Variants in DGKH observed in about 807,000 individuals in gnomAD.
DGKH encodes diacylglycerol kinase eta.
A neutral mutation model predicts 159.3 loss-of-function variants in DGKH; 90 were observed. The observed-to-expected ratio is 0.57, with a 90% confidence interval of 0.48 to 0.67. The LOEUF is 0.67. DGKH is among the 30% of genes least tolerant of loss of function. The pLI, the probability that DGKH is intolerant of heterozygous loss-of-function variation, is 0.00. For missense variants in DGKH, 1,181 were observed against 1,506.1 expected, an observed-to-expected ratio of 0.78 and a Z score of 3.57; for synonymous variants, 536 against 553.8, an observed-to-expected ratio of 0.97 and a Z score of 0.45.
intron 3 of DGKH, among the ~76,000 whole-genome samples, chr13:42,130,533 G>A (rs9285148): frequency 0.23 from 35,209 of 151,924 alleles, 4,362 homozygotes; most frequent in Middle Eastern, 0.31. Flanking sequence ...ATACTCCCTA[G>A]GTCTTCAAAG....
chr13:42,248,505 TAAA>T (rs1324074116), intron 29 of DGKH, among the ~76,000 whole-genome samples: 1 of 147,204 alleles, frequency 6.8e-6, no homozygotes, highest in Non-Finnish European at 1.5e-5. Flanking sequence ...AATTTATAAT[TAAA>T]TAATATATAT....
At chr13:42,244,329 C>T (rs1013628889), downstream of DGKH, among the ~76,000 whole-genome samples, 18 of 152,130 alleles carry the variant, frequency 1.2e-4, no homozygotes, top group Admixed American at 1.0e-3. Context: ...GGGCGCTCTC[C>T]CGATGGTGGT....
intron 3 of DGKH, among the ~76,000 whole-genome samples, chr13:42,130,019 G>A (rs9315892): frequency 0.13 from 19,109 of 152,052 alleles, 1,582 homozygotes; most frequent in Admixed American, 0.22. Context: ...AGTTGCCATC[G>A]TTCAGGCAGT....
intron 14 of DGKH, among the ~76,000 whole-genome samples, chr13:42,188,731 T>C (rs1400828361): frequency 6.6e-6 from 1 of 152,174 alleles, no homozygotes; most frequent in Non-Finnish European, 1.5e-5. Context: ...GGCTCTGAAA[T>C]TATATAATAA....
At chr13:42,042,274 G>A (rs185705773) in intron 1 of DGKH, among the ~76,000 whole-genome samples, 47 of 152,306 alleles carry the variant, frequency 3.1e-4, no homozygotes, top group African/African-American at 1.1e-3. Context: ...CTTTCCTGTA[G>A]GAACCTGCAT....
In DGKH at chr13:42,135,674, A is replaced by G. The variant is rs1300339158; in HGVS notation, c.384+6042A>G. ...ATCTGCATGGTGTTCTGGAAGTTTC[A>G]TTTTTATCTTTAACATAGCCCTATG... On this transcript the variant is annotated intron_variant, in intron 3 of 29. Transcript: ENST00000337343. Among the ~76,000 whole-genome samples, 3 of 152,096 alleles carry G rather than the reference A, an allele frequency of 2.0e-5. 1 individual carries two copies. The highest frequency in any genetic ancestry group is 4.8e-5 in the African/African-American group (2 of 41,508).
intron 15 of DGKH, among the ~76,000 whole-genome samples, chr13:42,189,669 GA>G (rs376896277): frequency 1.3e-5 from 2 of 151,338 alleles, no homozygotes; most frequent in South Asian, 2.1e-4. Flanking sequence ...TGAAAATATA[GA>G]AAAAAAAATT....
chr13:42,208,881 T>G, intron 21 of DGKH, 78 bp from the exon 22 acceptor site: 1 of 450,916 alleles, frequency 2.2e-6, no homozygotes, highest in Non-Finnish European at 3.6e-6. Flanking sequence ...TATATGTAGA[T>G]ATATATTGCA....
intron 29 of DGKH, among the ~76,000 whole-genome samples, chr13:42,251,455 A>G (rs894608233): frequency 6.6e-6 from 1 of 152,142 alleles, no homozygotes; most frequent in Non-Finnish European, 1.5e-5. Flanking sequence ...TATTCCTTTT[A>G]TACCCACTCA....
intron 13 of DGKH, among the ~76,000 whole-genome samples, chr13:42,179,154 A>T (rs888429153): frequency 6.6e-6 from 1 of 152,242 alleles, no homozygotes; most frequent in African/African-American, 2.4e-5. Context: ...TGAATGGCTT[A>T]CAGCAAGGGA....
At chr13:42,102,654 G>A (rs914008064) in intron 1 of DGKH, among the ~76,000 whole-genome samples, 3 of 152,216 alleles carry the variant, frequency 2.0e-5, no homozygotes, top group African/African-American at 7.2e-5. Flanking sequence ...TGCTCTGCCT[G>A]GAATAGCCCA....
At chr13:42,064,612 C>A (rs928254152) in intron 1 of DGKH, among the ~76,000 whole-genome samples, 1 of 152,038 alleles carries the variant, frequency 6.6e-6, no homozygotes, top group Non-Finnish European at 1.5e-5. Flanking sequence ...GAAGAGAAGA[C>A]TGTTGGCAGA....
In DGKH at chr13:42,251,611, A is replaced by G. The variant is rs1402440674; in HGVS notation, n.4055-798A>G. Among the ~76,000 whole-genome samples the G allele has an allele frequency of 2.6e-5, 4 of 152,068 alleles. No individual in the cohort carries two copies. The East Asian group carries it at 5.8e-4, about 22-fold the overall frequency. On this transcript the variant is annotated intron_variant and non_coding_transcript_variant, in intron 29 of 30. Transcript: ENST00000498255. The stretch of plus-strand genomic sequence containing the variant: ...CTTGTCCATTTTTCATCCTCCACAC[A>G]CTACATACAGATATGCACACCTGTG...
chr13:42,214,152 A>G (rs347419), intron 24 of DGKH, among the ~76,000 whole-genome samples: 1 of 152,230 alleles, frequency 6.6e-6, no homozygotes, highest in African/African-American at 2.4e-5. Flanking sequence ...AGTTTCAATG[A>G]ATGAAAGAGA....
intron 1 of DGKH, among the ~76,000 whole-genome samples, chr13:42,073,643 C>T (rs78735820): frequency 0.014 from 2,139 of 152,148 alleles, 33 homozygotes; most frequent in East Asian, 0.071. Context: ...GCAGGTTAGG[C>T]GTATTAAATG....
Position 42,127,780 on chromosome 13 carries a change from G to A in DGKH, c.303+207G>A, listed in dbSNP as rs940280851. Among the ~76,000 whole-genome samples, 3 of 152,100 alleles carry A rather than the reference G, an allele frequency of 2.0e-5. No individual in the cohort carries two copies. The East Asian group carries it at 5.8e-4, about 29-fold the overall frequency. ...CAGGTCCCTAAGAATAATCTTTTAG[G>A]AAGGCTCTAGTGTAGTTTCATTTCG... On this transcript the variant is annotated intron_variant, in intron 2 of 29. Transcript: ENST00000337343.
At chr13:42,115,604 C>A (rs1218056688) in intron 1 of DGKH, among the ~76,000 whole-genome samples, 1 of 152,174 alleles carries the variant, frequency 6.6e-6, no homozygotes, top group South Asian at 2.1e-4. Context: ...AAAGCTTGGA[C>A]ACAGGGAAGC....
chr13:42,128,537 TCATGCTAC>T (rs1264254717), intron 2 of DGKH, among the ~76,000 whole-genome samples: 1 of 152,204 alleles, frequency 6.6e-6, no homozygotes, highest in Admixed American at 6.5e-5. Context: ...CAGTTTGGGC[TCATGCTAC>T]CATCACTAGG....
intron 3 of DGKH, among the ~76,000 whole-genome samples, chr13:42,133,183 A>AT (rs1955327395): frequency 6.7e-6 from 1 of 150,164 alleles, no homozygotes; most frequent in Non-Finnish European, 1.5e-5. Context: ...AAAAAAAAAA[A>AT]ATTTTTTTTT....
Sources: gnomAD v4.1 joint callset for allele counts (sites outside exome capture counted in the v4.1 genomes callset) on GRCh38, gnomAD v4.1.1 for gene constraint, MANE v1.5 for transcripts, NCBI Gene and HGNC (gene_info 2026-07-23, HGNC 2026-07-21) for gene names.